The following CCSER1 variants were observed in gnomAD, a reference collection of about 807,000 sequenced individuals.
CCSER1 encodes serine-rich coiled-coil domain-containing protein 1.
Under a neutral mutation model 82.0 loss-of-function variants are expected in CCSER1, and 41 were observed. The observed-to-expected ratio is 0.50, with a 90% CI of 0.39 to 0.65. CCSER1 has a LOEUF of 0.65. Ranked by LOEUF, CCSER1 falls within the 30% of genes least tolerant of loss-of-function variation. The pLI, the probability that CCSER1 is intolerant of heterozygous loss-of-function variation, is 0.00. For missense variants in CCSER1, 1,119 were observed against 1,064.2 expected, an observed-to-expected ratio of 1.05 and a Z score of -0.72; for synonymous variants, 414 against 383.9, an observed-to-expected ratio of 1.08 and a Z score of -0.92.
chr4:91,396,728 C>T (rs555643794), intron 10 of CCSER1, among the ~76,000 whole-genome samples: 147 of 152,014 alleles, frequency 9.7e-4, no homozygotes, highest in African/African-American at 3.2e-3. Context: ...TTTTCAAGTG[C>T]GCCAAGGGAA....
chr4:91,484,555 A>T (rs774085792), intron 10 of CCSER1, among the ~76,000 whole-genome samples: 3 of 152,226 alleles, frequency 2.0e-5, no homozygotes, highest in Admixed American at 1.3e-4. Flanking sequence ...TTCATGTTTT[A>T]GGTAAACATT....
chr4:90,192,691 C>T (rs1311576690), intron 1 of CCSER1, among the ~76,000 whole-genome samples: 1 of 151,958 alleles, frequency 6.6e-6, no homozygotes, highest in Non-Finnish European at 1.5e-5. Flanking sequence ...TTTATATTGC[C>T]AGTAGTGTAT....
intron 6 of CCSER1, chr4:90,693,247 T>C (rs757394163): frequency 1.2e-4 from 18 of 151,966 alleles, no homozygotes; most frequent in Non-Finnish European, 2.4e-4. Context: ...TCTCATGAGA[T>C]AGAAACTCTA....
chr4:90,692,996 CTA>C (rs1736296539), intron 6 of CCSER1, among the ~76,000 whole-genome samples: 3 of 151,838 alleles, frequency 2.0e-5, no homozygotes, highest in Admixed American at 1.3e-4. Flanking sequence ...GAAACTATTA[CTA>C]TACCAGAAAG....
intron 5 of CCSER1, among the ~76,000 whole-genome samples, chr4:90,597,516 A>G (rs1018012285): frequency 6.6e-5 from 10 of 152,004 alleles, no homozygotes; most frequent in Admixed American, 2.6e-4. Flanking sequence ...AACACCTCCC[A>G]TAATTTTCTT....
chr4:90,740,942 T>C (rs912937484), intron 7 of CCSER1, among the ~76,000 whole-genome samples: 14 of 152,152 alleles, frequency 9.2e-5, no homozygotes, highest in African/African-American at 3.4e-4. Flanking sequence ...TCTTGGACTA[T>C]TGAATTTAAG....
intron 9 of CCSER1, among the ~76,000 whole-genome samples, chr4:91,038,162 T>G (rs1741615871): frequency 6.6e-6 from 1 of 152,192 alleles, no homozygotes; most frequent in African/African-American, 2.4e-5. Flanking sequence ...GAGGAATTAA[T>G]TGCTTCTGTG....
At chr4:91,132,866 T>G (rs565368811) in intron 10 of CCSER1, among the ~76,000 whole-genome samples, 1 of 152,228 alleles carries the variant, frequency 6.6e-6, no homozygotes, top group Non-Finnish European at 1.5e-5. Context: ...TAGAGACTTA[T>G]GATTCCTTAC....
chr4:90,583,413 G>A (rs958877850), intron 5 of CCSER1, among the ~76,000 whole-genome samples: 1 of 152,154 alleles, frequency 6.6e-6, no homozygotes, highest in African/African-American at 2.4e-5. Flanking sequence ...TGATCCACCC[G>A]CTTCAGCCTC....
intron 5 of CCSER1, among the ~76,000 whole-genome samples, chr4:90,478,523 G>C (rs1560580054): frequency 1.3e-5 from 2 of 152,006 alleles, no homozygotes; most frequent in African/African-American, 4.8e-5. Context: ...TAATAAATTG[G>C]TTTATTCAGT....
intron 10 of CCSER1, among the ~76,000 whole-genome samples, chr4:91,407,447 T>TA (rs1463299887): frequency 6.6e-6 from 1 of 152,212 alleles, no homozygotes; most frequent in African/African-American, 2.4e-5. Context: ...TGCCACTTTT[T>TA]ATCTCATGTT....
At chr4:90,178,302 A>G (rs1425764269) in intron 1 of CCSER1, among the ~76,000 whole-genome samples, 1 of 152,130 alleles carries the variant, frequency 6.6e-6, no homozygotes, top group Non-Finnish European at 1.5e-5. Context: ...TTGAAATTAT[A>G]GTAAAAATAC....
At chr4:91,037,426 T>C (rs552876276) in intron 9 of CCSER1, among the ~76,000 whole-genome samples, 1 of 152,356 alleles carries the variant, frequency 6.6e-6, no homozygotes, top group South Asian at 2.1e-4. Flanking sequence ...CTAAGAAATC[T>C]CAGATGTAGC....
At chr4:91,164,218 G>T (rs558569908) in intron 10 of CCSER1, among the ~76,000 whole-genome samples, 1 of 152,220 alleles carries the variant, frequency 6.6e-6, no homozygotes, top group South Asian at 2.1e-4. Flanking sequence ...TGAAATTCTG[G>T]GTTGAAAATT....
intron 10 of CCSER1, among the ~76,000 whole-genome samples, chr4:91,392,403 GAAAT>G (rs1751719740): frequency 1.2e-5 from 1 of 85,750 alleles, no homozygotes; most frequent in South Asian, 4.1e-4. Flanking sequence ...ACACATTATA[GAAAT>G]AAATGTATTT....
At chr4:91,099,307 G>A (rs1724826730) in intron 10 of CCSER1, among the ~76,000 whole-genome samples, 1 of 152,132 alleles carries the variant, frequency 6.6e-6, no homozygotes, top group African/African-American at 2.4e-5. Context: ...GGTGCCTATA[G>A]CCCACCACTA....
At chr4:91,547,985 G>A (rs1432052763) in intron 10 of CCSER1, among the ~76,000 whole-genome samples, 1 of 152,092 alleles carries the variant, frequency 6.6e-6, no homozygotes, top group East Asian at 1.9e-4. Context: ...GTTTCACCAT[G>A]TTGCCCAGGC....
intron 1 of CCSER1, among the ~76,000 whole-genome samples, chr4:90,295,831 C>A (rs115209574): frequency 1.6e-3 from 237 of 152,054 alleles, no homozygotes; most frequent in Non-Finnish European, 2.1e-3. Flanking sequence ...ATCCACATAT[C>A]CCCAGTGTCC....
chr4:90,276,134 G>T (rs1407726315), intron 1 of CCSER1, among the ~76,000 whole-genome samples: 1 of 151,958 alleles, frequency 6.6e-6, no homozygotes, highest in African/African-American at 2.4e-5. Context: ...ACCATTTTGT[G>T]TGTGTGTCTC....
Sources: allele counts gnomAD v4.1 joint callset (sites outside exome capture counted in the v4.1 genomes callset), GRCh38; gene constraint gnomAD v4.1.1; transcripts MANE v1.5; gene names NCBI Gene and HGNC (gene_info 2026-07-23, HGNC 2026-07-21).